RBM19: variants seen among roughly 807,000 people sequenced by gnomAD.
RBM19 encodes probable RNA-binding protein 19.
A neutral mutation model predicts 116.8 loss-of-function variants in RBM19; 94 were observed. That is an observed-to-expected ratio of 0.80 (90% confidence interval 0.68 to 0.95). RBM19 has a LOEUF of 0.95. Among genes scored for constraint, RBM19 ranks in the 40% least tolerant of loss-of-function variants. The pLI, the probability that RBM19 is intolerant of heterozygous loss-of-function variation, is 0.00. For synonymous variants in RBM19, 475 were observed against 494.1 expected (o/e 0.96, Z 0.51); for missense variants, 1,161 against 1,220.7 (o/e 0.95, Z 0.73).
At chr12:113,858,942 C>A (rs778327046) in intron 21 of RBM19, 46 bp from the exon 22 acceptor site, 1 of 1,558,438 alleles carries the variant, frequency 6.4e-7, no homozygotes, top group East Asian at 2.2e-5. Context: ...TAGAGGCCCG[C>A]AAGGGAGGTC....
chr12:113,819,119 A>G (rs10850216), downstream of RBM19, among the ~76,000 whole-genome samples: 66,321 of 152,176 alleles, frequency 0.44, 15,680 homozygotes, highest in South Asian at 0.62. Flanking sequence ...CAGGCCCCTG[A>G]GACCCACAGC....
Position 113,922,231 on chromosome 12 carries a change from C to A in RBM19, c.2306-1541G>T, listed in dbSNP as rs1253060963. On this transcript the variant is annotated intron_variant, in intron 18 of 23. Coordinates refer to ENST00000261741, the MANE Select transcript of RBM19 (RefSeq NM_016196.4). ...CACTTCCTGGACATCCCTGTGGGCT[C>A]CCTTAGCCCAGCCACACGTCGGCCC... Among the ~76,000 whole-genome samples the A allele has an allele frequency of 4.6e-5, 7 of 152,156 alleles. No homozygotes were observed. In the East Asian group the frequency reaches 1.2e-3, roughly 25 times the overall value.
At chr12:113,923,662 G>C (rs1268928813) in intron 18 of RBM19, among the ~76,000 whole-genome samples, 2 of 152,230 alleles carry the variant, frequency 1.3e-5, no homozygotes, top group Non-Finnish European at 2.9e-5. Flanking sequence ...CCACTGCAGT[G>C]TGAGTGGCCT....
chr12:113,829,803 G>A (rs1395451107), intron 23 of RBM19, among the ~76,000 whole-genome samples: 1 of 152,220 alleles, frequency 6.6e-6, no homozygotes, highest in Non-Finnish European at 1.5e-5. Flanking sequence ...TGAGGTGCCA[G>A]GCAAACATGA....
downstream of RBM19, among the ~76,000 whole-genome samples, chr12:113,820,646 G>A (rs541489498): frequency 6.6e-6 from 1 of 152,268 alleles, no homozygotes; most frequent in African/African-American, 2.4e-5. Flanking sequence ...GGAGATGAGG[G>A]TGCAGTCTGG....
At chr12:113,889,319 C>T (rs1593538171) in intron 21 of RBM19, among the ~76,000 whole-genome samples, 1 of 152,202 alleles carries the variant, frequency 6.6e-6, no homozygotes, top group Admixed American at 6.5e-5. Context: ...AAAGGCACAT[C>T]CCGAGCTGCA....
intron 21 of RBM19, among the ~76,000 whole-genome samples, chr12:113,889,552 C>G (rs1052154526): frequency 6.6e-6 from 1 of 152,162 alleles, no homozygotes; most frequent in African/African-American, 2.4e-5. Context: ...GCCTTTAAGA[C>G]CAGCCCCACG....
chr12:113,908,253 C>G (rs146426177), intron 21 of RBM19, among the ~76,000 whole-genome samples: 1 of 152,262 alleles, frequency 6.6e-6, no homozygotes, highest in Non-Finnish European at 1.5e-5. Context: ...GGGCTGGAAG[C>G]TTTTGGAAAA....
chr12:113,895,312 T>C (rs187655732), intron 21 of RBM19, among the ~76,000 whole-genome samples: 3 of 152,148 alleles, frequency 2.0e-5, no homozygotes, highest in East Asian at 1.9e-4. Flanking sequence ...CCACGAGGGA[T>C]GATGGGGCAG....
At chr12:113,952,873 T>C (rs999058596) in intron 7 of RBM19, among the ~76,000 whole-genome samples, 1 of 152,214 alleles carries the variant, frequency 6.6e-6, no homozygotes, top group Non-Finnish European at 1.5e-5. Flanking sequence ...CCCCCCTAGA[T>C]AATTGTATAT....
chr12:113,838,921 C>T (rs1163426971), intron 23 of RBM19, among the ~76,000 whole-genome samples: 1 of 152,226 alleles, frequency 6.6e-6, no homozygotes, highest in African/African-American at 2.4e-5. Flanking sequence ...CTGCTCTGGC[C>T]ACTTCCCACT....
At chr12:113,939,536 T>A in intron 15 of RBM19, among the ~76,000 whole-genome samples, 1 of 125,944 alleles carries the variant, frequency 7.9e-6, no homozygotes, top group East Asian at 2.4e-4. Context: ...GATCACGAGG[T>A]CAGGAGATCG....
At chr12:113,827,914 A>G (rs1875017359) in intron 23 of RBM19, among the ~76,000 whole-genome samples, 1 of 151,884 alleles carries the variant, frequency 6.6e-6, no homozygotes, top group Non-Finnish European at 1.5e-5. Context: ...AGGGTGTGTG[A>G]GGGTATTAAA....
intron 16 of RBM19, among the ~76,000 whole-genome samples, chr12:113,935,652 C>A (rs928772447): frequency 1.3e-5 from 2 of 152,218 alleles, no homozygotes; most frequent in Non-Finnish European, 2.9e-5. Context: ...CTTGCGCTGG[C>A]TGAGCCAGTC....
At chr12:113,873,852 C>T (rs935055851) in intron 21 of RBM19, among the ~76,000 whole-genome samples, 2 of 152,186 alleles carry the variant, frequency 1.3e-5, no homozygotes, top group Non-Finnish European at 2.9e-5. Context: ...ACGCATGGTG[C>T]GGGTGATGAG....
At chr12:113,911,290 C>T (rs1471912640) in intron 21 of RBM19, among the ~76,000 whole-genome samples, 1 of 152,164 alleles carries the variant, frequency 6.6e-6, no homozygotes, top group Non-Finnish European at 1.5e-5. Flanking sequence ...CAGCCTGTCC[C>T]TCAAGGTCCT....
chr12:113,831,157 G>C (rs1875376456), intron 23 of RBM19, among the ~76,000 whole-genome samples: 1 of 152,216 alleles, frequency 6.6e-6, no homozygotes, highest in Non-Finnish European at 1.5e-5. Flanking sequence ...AAATCTTCCA[G>C]TAGGAAAATA....
At chr12:113,851,751 T>A (rs1314175390) in intron 22 of RBM19, among the ~76,000 whole-genome samples, 13 of 149,940 alleles carry the variant, frequency 8.7e-5, no homozygotes, top group Non-Finnish European at 1.2e-4. Flanking sequence ...TTTTTTTTTT[T>A]AATTTAAATT....
rs576850076 is a variant in RBM19 at position 113,966,299 on chromosome 12, C to A, written c.-72G>T. On this transcript the variant is annotated 5_prime_UTR_variant, in exon 1 of 24. Transcript: ENST00000261741. The stretch of plus-strand genomic sequence containing the variant: ...CTTCCACCAAGTTTCACGCTACCGC[C>A]CTGGGCGCCGCCATCTTTACCGAGC... The A allele has an allele frequency of 1.9e-6, 3 of 1,596,406 alleles. No individual in the cohort carries two copies. The East Asian group carries it at 6.7e-5, about 36-fold the overall frequency.
Sources: gnomAD v4.1 joint callset for allele counts (sites outside exome capture counted in the v4.1 genomes callset) on GRCh38, gnomAD v4.1.1 for gene constraint, MANE v1.5 for transcripts, NCBI Gene and HGNC (gene_info 2026-07-23, HGNC 2026-07-21) for gene names.